DPP6: variants seen among roughly 807,000 people sequenced by gnomAD.
DPP6 encodes dipeptidyl peptidase like 6.
A neutral mutation model predicts 122.6 loss-of-function variants in DPP6; 69 were observed. The ratio of observed to expected loss-of-function variants is 0.56; its 90% CI spans 0.46 to 0.69. The LOEUF is 0.69. Among genes scored for constraint, DPP6 ranks in the 30% least tolerant of loss-of-function variants. DPP6 has a pLI of 0.00. For missense variants in DPP6, 928 were observed against 1,116.9 expected, an observed-to-expected ratio of 0.83 and a Z score of 2.41; for synonymous variants, 418 against 433.1, an observed-to-expected ratio of 0.97 and a Z score of 0.43.
intron 1 of DPP6, among the ~76,000 whole-genome samples, chr7:154,045,168 C>T (rs1345705036): frequency 6.9e-6 from 1 of 145,864 alleles, no homozygotes; most frequent in Non-Finnish European, 1.5e-5. Context: ...GGACTGCATT[C>T]TTTTTTGATT....
intron 1 of DPP6, among the ~76,000 whole-genome samples, chr7:154,044,592 C>T (rs564839676): frequency 1.1e-4 from 17 of 152,212 alleles, no homozygotes; most frequent in Admixed American, 1.3e-4. Context: ...GAAAAGCTAC[C>T]GATCTACCTA....
chr7:154,801,881 C>T (rs906603774), intron 13 of DPP6, among the ~76,000 whole-genome samples: 3 of 152,122 alleles, frequency 2.0e-5, no homozygotes, highest in Non-Finnish European at 4.4e-5. Flanking sequence ...TACCTCCACC[C>T]GGAGTTGGAT....
chr7:153,960,673 ATG>A (rs57134371), intron 1 of DPP6, among the ~76,000 whole-genome samples: 111,247 of 151,024 alleles, frequency 0.74, 41,408 homozygotes, highest in East Asian at 1. Context: ...GCGGGTGTGT[ATG>A]TGTGTACATG....
intron 16 of DPP6, among the ~76,000 whole-genome samples, chr7:154,830,088 G>A (rs1430437549): frequency 6.6e-6 from 1 of 152,208 alleles, no homozygotes; most frequent in Non-Finnish European, 1.5e-5. Flanking sequence ...AGCTTTGTAA[G>A]TATATCCTGA....
Position 154,487,348 on chromosome 7 carries a change from C to T in DPP6, c.457+12311C>T, listed in dbSNP as rs117860831. Among the ~76,000 whole-genome samples the T allele has an allele frequency of 9.9e-3, 1,505 of 152,208 alleles. 14 individuals carry two copies. The highest frequency in any genetic ancestry group is 0.014 in the Non-Finnish European group (961 of 68,026). ...TCTCAAGAAATAATCCTGAAGACCC[C>T]GCCGTACTCAGCCCCTCCATCCTCC... is the stretch of plus-strand genomic sequence containing the variant. On this transcript the variant is annotated intron_variant, in intron 3 of 25. Coordinates refer to ENST00000377770, the MANE Select transcript of DPP6 (RefSeq NM_130797.4).
intron 6 of DPP6, among the ~76,000 whole-genome samples, chr7:154,645,418 G>A (rs970910236): frequency 6.6e-6 from 1 of 151,984 alleles, no homozygotes; most frequent in Non-Finnish European, 1.5e-5. Flanking sequence ...ACATCTGCCT[G>A]TAAGACTTGG....
chr7:153,786,623 C>T, the DPP6 span, among the ~76,000 whole-genome samples: 2,931 of 150,520 alleles, frequency 0.019, 36 homozygotes, highest in African/African-American at 0.039. Context: ...CCTGTAGTCC[C>T]AGCTACTCGG....
intron 1 of DPP6, among the ~76,000 whole-genome samples, chr7:154,063,700 G>GCC (rs1384901826): frequency 6.8e-6 from 1 of 146,644 alleles, no homozygotes; most frequent in African/African-American, 2.6e-5. Context: ...CACCTCCCGT[G>GCC]AGGTGGGGAC....
At chr7:153,974,413 T>C in intron 1 of DPP6, among the ~76,000 whole-genome samples, 1 of 152,154 alleles carries the variant, frequency 6.6e-6, no homozygotes, top group East Asian at 1.9e-4. Flanking sequence ...ACTTATTTAT[T>C]TGTGACCCCA....
At chr7:154,493,372 C>T (rs1358053090) in intron 3 of DPP6, among the ~76,000 whole-genome samples, 1 of 152,168 alleles carries the variant, frequency 6.6e-6, no homozygotes, top group East Asian at 1.9e-4. Context: ...CTGCAACTTT[C>T]CGTGGTTCAG....
At chr7:154,885,555 C>A in intron 21 of DPP6, 78 bp from the exon 22 acceptor site, 7 of 1,519,282 alleles carry the variant, frequency 4.6e-6, no homozygotes, top group Non-Finnish European at 6.2e-6. Flanking sequence ...TGCTCTGGGG[C>A]TGTCTCCCTG....
At chr7:154,112,192 T>C (rs1303565515) in intron 1 of DPP6, among the ~76,000 whole-genome samples, 5 of 152,084 alleles carry the variant, frequency 3.3e-5, no homozygotes, top group Admixed American at 6.5e-5. Flanking sequence ...GGTGAAACCA[T>C]CACCAATACT....
At chr7:154,038,320 T>C (rs1030342044) in intron 1 of DPP6, 4 of 73,884 alleles carry the variant, frequency 5.4e-5, no homozygotes, top group Non-Finnish European at 9.7e-5. Flanking sequence ...GTACAGCCTG[T>C]CTGTCTGGAA....
chr7:154,817,590 A>G (rs1799498714), intron 16 of DPP6, among the ~76,000 whole-genome samples: 1 of 152,138 alleles, frequency 6.6e-6, no homozygotes, highest in Admixed American at 6.5e-5. Context: ...TGTTACGAAT[A>G]TCATGAGTGA....
intron 1 of DPP6, among the ~76,000 whole-genome samples, chr7:153,992,654 A>G (rs1797234233): frequency 6.6e-6 from 1 of 152,238 alleles, no homozygotes; most frequent in South Asian, 2.1e-4. Context: ...CCAGGCTATC[A>G]GATGTTCATT....
chr7:154,784,405 G>C (rs532550168), intron 10 of DPP6, among the ~76,000 whole-genome samples: 1 of 152,156 alleles, frequency 6.6e-6, no homozygotes, highest in Non-Finnish European at 1.5e-5. Context: ...CCCGCAGAGA[G>C]CTCAGCACAC....
intron 6 of DPP6, among the ~76,000 whole-genome samples, chr7:154,657,825 A>G (rs926202076): frequency 2.0e-5 from 3 of 152,178 alleles, no homozygotes; most frequent in Admixed American, 1.3e-4. Flanking sequence ...GGGAAAGGAA[A>G]GAGACTGGTG....
chr7:154,274,733 AG>A (rs1804016712), intron 1 of DPP6, among the ~76,000 whole-genome samples: 1 of 152,232 alleles, frequency 6.6e-6, no homozygotes, highest in African/African-American at 2.4e-5. Flanking sequence ...AAAGCACTGC[AG>A]TGCCTATGTG....
intron 3 of DPP6, among the ~76,000 whole-genome samples, chr7:154,502,831 G>T (rs1825365132): frequency 6.6e-6 from 1 of 152,184 alleles, no homozygotes; most frequent in Admixed American, 6.5e-5. Context: ...AAAGTTAATG[G>T]AGACTGCTCT....
Sources: allele counts gnomAD v4.1 joint callset (sites outside exome capture counted in the v4.1 genomes callset), GRCh38; gene constraint gnomAD v4.1.1; transcripts MANE v1.5; gene names NCBI Gene and HGNC (gene_info 2026-07-23, HGNC 2026-07-21).